Variants in TRIM24 observed in about 807,000 individuals in gnomAD.
TRIM24 encodes tripartite motif containing 24, also known as transcription intermediary factor 1-alpha.
Under a neutral mutation model 123.9 loss-of-function variants are expected in TRIM24, and 29 were observed. The ratio of observed to expected loss-of-function variants is 0.23; its 90% CI spans 0.17 to 0.32. The LOEUF is 0.32. TRIM24 is among the 10% of genes least tolerant of loss of function. The pLI is 1.00. For synonymous variants in TRIM24, 456 were observed against 461.1 expected (o/e 0.99, Z 0.14); for missense variants, 932 against 1,295.3 (o/e 0.72, Z 4.31).
At chr7:138,487,661 A>T (rs1002089620) in intron 1 of TRIM24, among the ~76,000 whole-genome samples, 2 of 152,168 alleles carry the variant, frequency 1.3e-5, no homozygotes, top group Admixed American at 6.5e-5. Context: ...CAATATGCAT[A>T]TGTTGAGCCA....
intron 12 of TRIM24, 48 bp downstream of exon 12, chr7:138,573,690 C>G: frequency 1.3e-6 from 2 of 1,570,392 alleles, no homozygotes; most frequent in Non-Finnish European, 1.7e-6. Context: ...CTAGTTTTCA[C>G]TTTACTTGGA....
intron 1 of TRIM24, among the ~76,000 whole-genome samples, chr7:138,466,463 CTTT>C (rs577317171): frequency 1.2e-4 from 9 of 74,064 alleles, no homozygotes; most frequent in African/African-American, 3.3e-4. Context: ...ACTTAAGTTG[CTTT>C]TTTTTTTTTT....
In TRIM24 at chr7:138,504,311, T is replaced by C. The variant is rs767128700; in HGVS notation, c.386T>C (p.Val129Ala). Residue 129 changes from valine to alanine, a missense_variant, in exon 2 of 19, where the codon GTT (valine) becomes GCT (alanine). Around this residue, in one of 7 missense-constraint regions of TRIM24, gnomAD observed 74 missense variants for 163.6 expected, o/e 0.45. Transcript: ENST00000343526. ...ATQVGVIRCP[V>A]CSQECAERHI... is the part of the protein sequence containing the mutation. ...CCAGTTGGAGTCATTCGTTGCCCAG[T>C]TTGCAGCCAAGAATGTGCAGAGAGA... 6.3e-7 allele frequency: 1 copy of C among 1,592,656 alleles called. No homozygotes were observed. Among genetic ancestry groups the C allele is most frequent in the South Asian group, 1.2e-5 (1 of 86,804 alleles).
chr7:138,570,149 G>C (rs1317145192), intron 10 of TRIM24, among the ~76,000 whole-genome samples: 1 of 152,082 alleles, frequency 6.6e-6, no homozygotes, highest in Non-Finnish European at 1.5e-5. Context: ...GTTTCACCAT[G>C]TTGGCCAGGG....
intron 9 of TRIM24, chr7:138,556,392 G>T (rs1797317276): frequency 6.6e-6 from 1 of 152,156 alleles, no homozygotes; most frequent in Non-Finnish European, 1.5e-5. Flanking sequence ...AGAAGCAGTT[G>T]ACCCAGGTGA....
chr7:138,519,244 G>A lies in TRIM24; in HGVS notation c.687G>A (p.Glu229=). The A allele has an allele frequency of 1.2e-6, 2 of 1,614,124 alleles. No individual in the cohort carries two copies. The highest frequency in any genetic ancestry group is 2.2e-5 in the East Asian group (1 of 44,878). ...TGTTTTGTCCTTTTCATAAAAAGGA[G>A]CAGCTGAAGCTGTACTGTGAGACAT... ...RPVFCPFHKK[E]QLKLYCETCD... Residue 229 remains glutamate (E), a synonymous_variant, in exon 4 of 19, where the codon GAG becomes GAA. Transcript: ENST00000343526.
chr7:138,508,700 C>CGCGCGCGCGTGTGCGTGTGT (rs1182276337), intron 2 of TRIM24, among the ~76,000 whole-genome samples: 1 of 35,510 alleles, frequency 2.8e-5, no homozygotes, highest in Admixed American at 2.9e-4. Context: ...TGTGCGCGCG[C>CGCGCGCGCGTGTGCGTGTGT]GTGTGTGCGT....
chr7:138,573,541 T>C lies in TRIM24; in HGVS notation c.1913T>C (p.Ile638Thr). 2 of 1,612,824 alleles carry C rather than the reference T, an allele frequency of 1.2e-6. No homozygotes were observed. Among genetic ancestry groups the C allele is most frequent in the South Asian group, 1.1e-5 (1 of 90,686 alleles). Residue 638 changes from isoleucine to threonine, a missense_variant, in exon 12 of 19, where the codon ATT becomes ACT. By Grantham distance (89) the Ile-to-Thr change is moderately conservative. Transcript: ENST00000343526. ...TCAAGTACTATTATGCTGGACAATA[T>C]TGTGAGGAAAGATACTAATATAGAT... The part of the protein sequence containing the change: ...DCSSTIMLDN[I>T]VRKDTNIDHG...
intron 1 of TRIM24, among the ~76,000 whole-genome samples, chr7:138,491,559 GCACAT>G (rs1173028395): frequency 6.7e-6 from 1 of 150,124 alleles, no homozygotes; most frequent in Non-Finnish European, 1.5e-5. Flanking sequence ...TAAGGGTATA[GCACAT>G]TTTATTTACA....
chr7:138,512,114 A>G (rs1030008967), intron 2 of TRIM24, among the ~76,000 whole-genome samples: 2 of 152,208 alleles, frequency 1.3e-5, no homozygotes, highest in Non-Finnish European at 2.9e-5. Context: ...TTGACTTCAC[A>G]TCTGTCATCC....
intron 6 of TRIM24, among the ~76,000 whole-genome samples, chr7:138,531,100 C>T (rs1424484227): frequency 6.6e-6 from 1 of 151,062 alleles, no homozygotes; most frequent in East Asian, 2.0e-4. Flanking sequence ...GACTACAGGG[C>T]GTGTGCTGCC....
intron 4 of TRIM24, among the ~76,000 whole-genome samples, chr7:138,520,570 T>C (rs1374397114): frequency 6.6e-6 from 1 of 152,114 alleles, no homozygotes; most frequent in African/African-American, 2.4e-5. Context: ...TGTGCTTGTA[T>C]TCCTAGCTAC....
intron 7 of TRIM24, chr7:138,545,530 T>G (rs1797085576): frequency 4.4e-6 from 2 of 456,854 alleles, no homozygotes; most frequent in Non-Finnish European, 8.8e-6. Flanking sequence ...TGGATTGGAA[T>G]TAAGAGTACA....
intron 4 of TRIM24, among the ~76,000 whole-genome samples, chr7:138,524,193 A>G: frequency 6.6e-6 from 1 of 152,204 alleles, no homozygotes; most frequent in East Asian, 1.9e-4. Flanking sequence ...TCATGATACA[A>G]CATCTTAGCA....
rs377302495 is a variant in TRIM24 at position 138,536,031 on chromosome 7, G to T, written c.997-2626G>T. ...ATCAGGTACTGAAGCTTGTGCATTC[G>T]TCACGTACTTCTTGTGCCATGGTTT... On this transcript the variant is annotated intron_variant, in intron 6 of 18. Transcript: ENST00000343526. 2.9e-4 allele frequency among the ~76,000 whole-genome samples: 44 copies of T among 152,046 alleles called. No homozygotes were observed. The East Asian group carries it at 5.2e-3, about 18-fold the overall frequency.
rs145384363 is a variant in TRIM24 at position 138,548,761 on chromosome 7, A to G, written c.1144-2302A>G. On this transcript the variant is annotated intron_variant, in intron 7 of 18. Coordinates refer to ENST00000343526, the MANE Select transcript of TRIM24 (RefSeq NM_015905.3). ...ACACATTGTACAAATTCTTCCTTAT[A>G]TCTTTAATTCATAAGCTTAGGTATT... 3.3e-5 allele frequency among the ~76,000 whole-genome samples: 5 copies of G among 152,294 alleles called. No homozygotes were observed. In the East Asian group the frequency reaches 9.6e-4, roughly 29 times the overall value.
At chr7:138,539,196 CT>C in intron 7 of TRIM24, among the ~76,000 whole-genome samples, 1 of 152,014 alleles carries the variant, frequency 6.6e-6, no homozygotes, top group Non-Finnish European at 1.5e-5. Context: ...CATGATGAAA[CT>C]AAGGCATGTG....
chr7:138,545,352 T>A, intron 7 of TRIM24: 1 of 451,544 alleles, frequency 2.2e-6, no homozygotes, highest in East Asian at 7.0e-5. Context: ...GAGGGAGGAA[T>A]ACGGAAGTGG....
intron 7 of TRIM24, among the ~76,000 whole-genome samples, chr7:138,543,888 G>T (rs1314758457): frequency 6.6e-6 from 1 of 152,138 alleles, no homozygotes; most frequent in East Asian, 1.9e-4. Flanking sequence ...AGGCTAGAGT[G>T]CAGTGACATG....
Sources: gnomAD v4.1 joint callset for allele counts (sites outside exome capture counted in the v4.1 genomes callset) on GRCh38, gnomAD v4.1.1 for gene constraint, gnomAD v4.1.1 regional missense constraint, MANE v1.5 for transcripts, NCBI Gene and HGNC (gene_info 2026-07-23, HGNC 2026-07-21) for gene names.